UBAP1L: variants seen among roughly 807,000 people sequenced by gnomAD.
UBAP1L encodes ubiquitin associated protein 1 like.
UBAP1L carries 32 observed loss-of-function variants against 32.1 expected under a neutral mutation model. The observed-to-expected ratio is 1.00, with a 90% CI of 0.75 to 1.34. The LOEUF (loss-of-function observed/expected upper bound fraction) is 1.34, where lower values mean the gene tolerates loss of function less well. UBAP1L is among the 40% of genes most tolerant of loss of function. The pLI is 0.00. For missense variants in UBAP1L, 516 were observed against 540.5 expected, an observed-to-expected ratio of 0.95 and a Z score of 0.45; for synonymous variants, 243 against 250.2, an observed-to-expected ratio of 0.97 and a Z score of 0.27.
intron 5 of UBAP1L, among the ~76,000 whole-genome samples, chr15:65,093,509 T>A (rs2087140964): frequency 6.6e-6 from 1 of 152,176 alleles, no homozygotes; most frequent in Non-Finnish European, 1.5e-5. Flanking sequence ...CTGTCAACTT[T>A]CTGCTGGGGC....
In UBAP1L at chr15:65,106,039, A is replaced by T. The variant is rs1279635954; in HGVS notation, c.120+57T>A. On this transcript the variant is annotated intron_variant, in intron 2 of 5. Transcript: ENST00000559089. ...CTTTAAATTCAAGGAACAAGGCCCCATGGACTCAGCCCCAGACCCACAGAC... is the reference window on the plus strand; with the variant it reads ...CTTTAAATTCAAGGAACAAGGCCCCTTGGACTCAGCCCCAGACCCACAGAC... The T allele has an allele frequency of 3.9e-6, 6 of 1,543,508 alleles. No individual in the cohort carries two copies. The African/African-American group carries it at 8.3e-5, about 21-fold the overall frequency.
Position 65,093,215 on chromosome 15 carries a change from C to A in UBAP1L, c.1028G>T (p.Arg343Leu). The A allele has an allele frequency of 6.5e-7, 1 of 1,546,352 alleles. No individual in the cohort carries two copies. The highest frequency in any genetic ancestry group is 1.4e-5 in the African/African-American group (1 of 72,910). ...FSESQAGEFL[R>L]LWEQFSDMGF... The stretch of plus-strand genomic sequence containing the variant: ...CATGTCACTGAACTGCTCCCAGAGG[C>A]GCAGGAACTCCCCTGCCTGAGGAAG... Residue 343 changes from arginine to leucine, a missense_variant, in exon 6 of 6, where the codon CGC (arginine) becomes CTC (leucine). Coordinates refer to ENST00000559089, the MANE Select transcript of UBAP1L (RefSeq NM_001163692.2).
chr15:65,105,985 T>C, intron 2 of UBAP1L, 111 bp downstream of exon 2: 1 of 1,457,304 alleles, frequency 6.9e-7, no homozygotes, highest in Non-Finnish European at 9.3e-7. Context: ...AGATACGGGG[T>C]TTCACCATGT....
rs577672362 is a variant in UBAP1L at position 65,102,567 on chromosome 15, G to T, written c.238C>A (p.Leu80Ile). Residue 80 changes from leucine (L) to isoleucine (I), a missense_variant, in exon 3 of 6, where the codon CTA (leucine) becomes ATA (isoleucine). Transcript: ENST00000559089. The surrounding 1 kb of genome is among the most constrained non-coding windows in gnomAD (Gnocchi z 5.0). ...GCCAGCCCATGTTCGGGGCTGACTAGCAAGAGCCAGGCTGGAGGGGCTGAC... is the reference window on the plus strand; with the variant it reads ...GCCAGCCCATGTTCGGGGCTGACTATCAAGAGCCAGGCTGGAGGGGCTGAC... ...TASAPPAWLLLVSPEHGLAPA... is the reference protein window; with the variant it reads ...TASAPPAWLLIVSPEHGLAPA... 6.5e-7 allele frequency: 1 copy of T among 1,542,348 alleles called. No individual in the cohort carries two copies. Among genetic ancestry groups the T allele is most frequent in the Non-Finnish European group, 8.7e-7 (1 of 1,143,664 alleles).
intron 1 of UBAP1L, among the ~76,000 whole-genome samples, chr15:65,107,132 T>C (rs1387254743): frequency 6.6e-6 from 1 of 151,626 alleles, no homozygotes; most frequent in Non-Finnish European, 1.5e-5. Flanking sequence ...AAGATAAATA[T>C]CAATAAAGAT....
intron 1 of UBAP1L, among the ~76,000 whole-genome samples, chr15:65,111,877 G>C (rs1199157764): frequency 6.6e-6 from 1 of 151,164 alleles, no homozygotes. Flanking sequence ...TGCAAGCTCC[G>C]TCCCCCGGGT....
Position 65,102,387 on chromosome 15 carries a change from G to T in UBAP1L, c.418C>A (p.Arg140Ser). The change falls in exon 3 of 6, where the codon CGT becomes AGT. Residue 140 changes from arginine (R) to serine (S), a missense_variant. Physicochemically the swap from Arg to Ser is moderately radical, Grantham distance 110. Coordinates refer to ENST00000559089, the MANE Select transcript of UBAP1L (RefSeq NM_001163692.2). The surrounding 1 kb of genome is among the most constrained non-coding windows in gnomAD (Gnocchi z 5.0). ...PGSPASPGPG[R>S]RLCSLDVLRG... is the part of the protein sequence containing the mutation. ...AGCACGTCCAGCGAGCACAGGCGAC[G>T]GCCGGGGCCGGGGCTCGCCGGGGAG... The T allele has an allele frequency of 7.0e-7, 1 of 1,436,556 alleles. No homozygotes were observed. Among genetic ancestry groups the T allele is most frequent in the Non-Finnish European group, 9.1e-7 (1 of 1,102,480 alleles). The allele number at this position is 1,436,556 out of a possible 1,614,324, so 89.0% of individuals were successfully genotyped here. A position where few individuals can be genotyped will look rare whatever the true frequency, so the allele number is the denominator to read the frequency against.
chr15:65,107,739 C>CAAA (rs56359277), intron 1 of UBAP1L, among the ~76,000 whole-genome samples: 3 of 94,750 alleles, frequency 3.2e-5, no homozygotes, highest in African/African-American at 1.2e-4. Flanking sequence ...AACGCTGTCT[C>CAAA]AAAAAAAAAA....
At chr15:65,108,721 C>A (rs1162909018) in intron 1 of UBAP1L, among the ~76,000 whole-genome samples, 1 of 151,224 alleles carries the variant, frequency 6.6e-6, no homozygotes, top group Non-Finnish European at 1.5e-5. Context: ...AGGTTGCACT[C>A]CAGCCTGGGC....
intron 2 of UBAP1L, chr15:65,104,798 G>C: frequency 4.9e-6 from 1 of 203,310 alleles, no homozygotes; most frequent in Non-Finnish European, 1.0e-5. Context: ...ACGAGGTCAT[G>C]AGATCAAGAC....
At chr15:65,105,327 A>C (rs1244291774) in intron 2 of UBAP1L, among the ~76,000 whole-genome samples, 4 of 151,768 alleles carry the variant, frequency 2.6e-5, no homozygotes, top group Admixed American at 2.6e-4. Context: ...GAAATATAAA[A>C]AATTAGCCAA....
chr15:65,100,466 T>G (rs1188961297), intron 3 of UBAP1L: 1 of 152,226 alleles, frequency 6.6e-6, no homozygotes, highest in Non-Finnish European at 1.5e-5. Context: ...CAGGCCCTCC[T>G]TCTTGAATTT....
chr15:65,098,003 C>T (rs749494398), intron 4 of UBAP1L: 1 of 152,258 alleles, frequency 6.6e-6, no homozygotes, highest in African/African-American at 2.4e-5. Flanking sequence ...GGCCAGCCAT[C>T]AAACCATGAA....
At position 65,093,154 on chromosome 15, in the gene UBAP1L, C is replaced by CA; in HGVS notation, c.1088dup (p.Val364GlyfsTer41). The CA allele has an allele frequency of 6.5e-7, 1 of 1,549,810 alleles. No homozygotes were observed. Among genetic ancestry groups the CA allele is most frequent in the Non-Finnish European group, 8.7e-7 (1 of 1,146,694 alleles). On this transcript the variant is annotated frameshift_variant, in exon 6 of 6. Coordinates refer to ENST00000559089, the MANE Select transcript of UBAP1L (RefSeq NM_001163692.2). LOFTEE classifies it high-confidence loss of function. ...CTTGCTCTCGGCGGTTGCCATGGAC[C>CA]AGCAGCACCTCCTTGATCCGGTCCT...
chr15:65,111,677 G>A (rs2087370360), intron 1 of UBAP1L, among the ~76,000 whole-genome samples: 1 of 150,906 alleles, frequency 6.6e-6, no homozygotes, highest in East Asian at 2.0e-4. Flanking sequence ...TAGAGGTGGG[G>A]TTTCGCCATA....
In UBAP1L at chr15:65,093,139, G is replaced by A; in HGVS notation, c.1104C>T (p.Arg368=). 6.5e-7 allele frequency: 1 copy of A among 1,549,968 alleles called. No homozygotes were observed. Among genetic ancestry groups the A allele is most frequent in the Non-Finnish European group, 8.7e-7 (1 of 1,146,838 alleles). Residue 368 remains arginine, a synonymous_variant, in exon 6 of 6, where the codon CGC becomes CGT. Coordinates refer to ENST00000559089, the MANE Select transcript of UBAP1L (RefSeq NM_001163692.2). ...IKEVLLVHGN[R]REQALEELVA... ...CCAGCTCCTCCAGGGCTTGCTCTCGGCGGTTGCCATGGACCAGCAGCACCT... is the reference window on the plus strand; with the variant it reads ...CCAGCTCCTCCAGGGCTTGCTCTCGACGGTTGCCATGGACCAGCAGCACCT...
rs1405486685 is a variant in UBAP1L, at chr15:65,094,007, A to G, written c.1011+468T>C. On this transcript the variant is annotated intron_variant, in intron 5 of 5. Coordinates refer to ENST00000559089, the MANE Select transcript of UBAP1L (RefSeq NM_001163692.2). The surrounding 1 kb of genome is among the most constrained non-coding windows in gnomAD (Gnocchi z 4.2). ...GGTTGCAGTGAGCCAAGATCGTGCC[A>G]TTGCACTCCAGCCTGGGCAATAGAG... Among the ~76,000 whole-genome samples, 2 of 152,208 alleles carry G rather than the reference A, an allele frequency of 1.3e-5. No homozygotes were observed. The highest frequency in any genetic ancestry group is 4.8e-5 in the African/African-American group (2 of 41,454).
In UBAP1L at chr15:65,102,037, G is replaced by A. The variant is rs1022063581; in HGVS notation, c.699+69C>T. 454 of 699,980 alleles carry A rather than the reference G, an allele frequency of 6.5e-4. 2 individuals are homozygous for A. The highest frequency in any genetic ancestry group is 4.6e-4 in the Admixed American group (10 of 21,708). 43.4% of individuals were successfully genotyped at this position (699,980 alleles called of 1,614,324 possible). ...GTAGGGGACCGAGGCTGCGGGCTGG[G>A]CTGGACACCCAGATTATGGGGCCTG... On this transcript the variant is annotated intron_variant, in intron 3 of 5. Transcript: ENST00000559089. The surrounding 1 kb of genome is among the most constrained non-coding windows in gnomAD (Gnocchi z 5.0).
chr15:65,094,347 C>T lies in UBAP1L; in HGVS notation c.1011+128G>A. 1 of 643,866 alleles carries T rather than the reference C, an allele frequency of 1.6e-6. No homozygotes were observed. The highest frequency in any genetic ancestry group is 2.0e-5 in the South Asian group (1 of 50,264). 39.9% of individuals were successfully genotyped at this position (643,866 alleles called of 1,614,324 possible). A position where few individuals can be genotyped will look rare whatever the true frequency, so the allele number is the denominator to read the frequency against. On this transcript the variant is annotated intron_variant, in intron 5 of 5. Coordinates refer to ENST00000559089, the MANE Select transcript of UBAP1L (RefSeq NM_001163692.2). This position sits in a 1 kb window ranked among gnomAD's most constrained non-coding sequence, Gnocchi z 4.2. ...CCTCAGAGCTGAGGAGTCAGGCAAT[C>T]TCCCGACAGACCCACAGGCTGGACC... is the stretch of plus-strand genomic sequence containing the variant.
Sources: allele counts gnomAD v4.1 joint callset (sites outside exome capture counted in the v4.1 genomes callset), GRCh38; gene constraint gnomAD v4.1.1; non-coding constraint Gnocchi (gnomAD v3.1); transcripts MANE v1.5; gene names NCBI Gene and HGNC (gene_info 2026-07-23, HGNC 2026-07-21).